The following WWOX variants were observed in gnomAD, a reference collection of about 807,000 sequenced individuals.
WWOX encodes the protein WW domain containing oxidoreductase.
A neutral mutation model predicts 46.2 loss-of-function variants in WWOX; 69 were observed. The ratio of observed to expected loss-of-function variants is 1.49; its 90% CI spans 1.23 to 1.82. The LOEUF (loss-of-function observed/expected upper bound fraction) is 1.82. Among genes scored for constraint, WWOX ranks in the 40% most tolerant of loss-of-function variants. The pLI is 0.00. For synonymous variants in WWOX, 359 were observed against 202.6 expected (o/e 1.77, Z -6.56); for missense variants, 919 against 542.6 (o/e 1.69, Z -6.89).
chr16:78,143,904 T>C (rs927069428), intron 4 of WWOX, among the ~76,000 whole-genome samples: 1 of 152,136 alleles, frequency 6.6e-6, no homozygotes. Context: ...TCGGATCAGC[T>C]TTCTTTTTCT....
At chr16:78,967,436 A>G (rs1258921896) in intron 8 of WWOX, among the ~76,000 whole-genome samples, 1 of 147,184 alleles carries the variant, frequency 6.8e-6, no homozygotes, top group Non-Finnish European at 1.5e-5. Context: ...AGTATGCACC[A>G]ACATGCCTGG....
chr16:78,723,109 TGAG>T (rs1262776855), intron 8 of WWOX, among the ~76,000 whole-genome samples: 1 of 152,160 alleles, frequency 6.6e-6, no homozygotes, highest in Non-Finnish European at 1.5e-5. Context: ...TAAGGCTGAT[TGAG>T]TAAAAGTGAA....
intron 8 of WWOX, among the ~76,000 whole-genome samples, chr16:78,585,190 C>T (rs1278916179): frequency 6.6e-6 from 1 of 152,146 alleles, no homozygotes; most frequent in African/African-American, 2.4e-5. Context: ...TATTTCTGAC[C>T]ACAGGACAGC....
rs150945072 is a variant in WWOX at position 79,029,445 on chromosome 16, G to A, written c.1057-182163G>A. 3.7e-3 allele frequency among the ~76,000 whole-genome samples: 569 copies of A among 152,334 alleles called. 4 individuals carry two copies. The highest frequency in any genetic ancestry group is 0.013 in the African/African-American group (540 of 41,572). On this transcript the variant is annotated intron_variant, in intron 8 of 8. Coordinates refer to ENST00000566780, the MANE Select transcript of WWOX (RefSeq NM_016373.4). ...GTGTGCACCAGTAAAGGGTTCTGAT[G>A]TGTGATAAATTTATTTAGCTATTAC... is the stretch of plus-strand genomic sequence containing the variant.
At chr16:78,730,339 C>T (rs1448828447) in intron 8 of WWOX, among the ~76,000 whole-genome samples, 3 of 152,060 alleles carry the variant, frequency 2.0e-5, no homozygotes, top group African/African-American at 4.8e-5. Context: ...CTTCCCATTT[C>T]CTTCCTTCCA....
At chr16:78,621,590 A>ATTTTTTT (rs1567442936) in intron 8 of WWOX, among the ~76,000 whole-genome samples, 1 of 43,000 alleles carries the variant, frequency 2.3e-5, no homozygotes, top group Non-Finnish European at 5.1e-5. Flanking sequence ...TGTTGTTCTA[A>ATTTTTTT]TCTTTTTTTT....
chr16:78,954,706 G>A (rs528490969), intron 8 of WWOX, among the ~76,000 whole-genome samples: 1 of 152,292 alleles, frequency 6.6e-6, no homozygotes, highest in South Asian at 2.1e-4. Flanking sequence ...CTAGGGTGAG[G>A]GGTGGTGGGT....
At chr16:78,804,104 G>A (rs531631894) in intron 8 of WWOX, among the ~76,000 whole-genome samples, 2 of 152,140 alleles carry the variant, frequency 1.3e-5, no homozygotes, top group South Asian at 4.2e-4. Flanking sequence ...CCGCCGCAGT[G>A]GAGATTGTGG....
intron 8 of WWOX, among the ~76,000 whole-genome samples, chr16:78,722,909 G>T (rs190844585): frequency 1.3e-5 from 2 of 152,172 alleles, no homozygotes; most frequent in African/African-American, 4.8e-5. Context: ...AGGCGCAGTG[G>T]CTCACGCCTG....
intron 8 of WWOX, among the ~76,000 whole-genome samples, chr16:78,856,446 C>T (rs58145564): frequency 0.023 from 3,507 of 152,234 alleles, 111 homozygotes; most frequent in African/African-American, 0.077. Flanking sequence ...AGTTCGAGAC[C>T]AGCCTGGCCA....
chr16:78,755,918 T>C (rs1233869014), intron 8 of WWOX, among the ~76,000 whole-genome samples: 1 of 152,134 alleles, frequency 6.6e-6, no homozygotes, highest in Non-Finnish European at 1.5e-5. Context: ...GTCAGGACGC[T>C]ATGATGAGAA....
chr16:78,139,699 T>G (rs1259956499), intron 4 of WWOX, among the ~76,000 whole-genome samples: 1 of 152,168 alleles, frequency 6.6e-6, no homozygotes, highest in African/African-American at 2.4e-5. Flanking sequence ...GAAAATGTTT[T>G]AAGAGTTCTT....
chr16:79,096,524 C>G (rs1245433937), intron 8 of WWOX, among the ~76,000 whole-genome samples: 4 of 152,166 alleles, frequency 2.6e-5, no homozygotes, highest in African/African-American at 4.8e-5. Context: ...GCTGGCCCAT[C>G]CTTTCTCTGT....
intron 5 of WWOX, among the ~76,000 whole-genome samples, chr16:78,275,163 T>C (rs2079553338): frequency 1.3e-5 from 2 of 152,210 alleles, no homozygotes; most frequent in African/African-American, 2.4e-5. Flanking sequence ...ATCTAAAACG[T>C]GGAGGGGGGT....
At chr16:78,275,731 A>T (rs1308203981) in intron 5 of WWOX, among the ~76,000 whole-genome samples, 1 of 152,210 alleles carries the variant, frequency 6.6e-6, no homozygotes, top group Non-Finnish European at 1.5e-5. Flanking sequence ...CCATTGGTCC[A>T]TTTTTAAATC....
At chr16:79,190,624 A>G (rs928326385) in intron 8 of WWOX, among the ~76,000 whole-genome samples, 4 of 152,200 alleles carry the variant, frequency 2.6e-5, no homozygotes, top group African/African-American at 9.6e-5. Context: ...CATTCAGAAG[A>G]TGAACTAGTT....
At chr16:78,924,580 A>G (rs1510218) in intron 8 of WWOX, among the ~76,000 whole-genome samples, 22,389 of 152,172 alleles carry the variant, frequency 0.15, 1,921 homozygotes, top group African/African-American at 0.24. Context: ...TAGGAGGATA[A>G]GAAAGCCAGT....
At chr16:79,019,527 T>A (rs2047489141) in intron 8 of WWOX, among the ~76,000 whole-genome samples, 1 of 152,164 alleles carries the variant, frequency 6.6e-6, no homozygotes, top group African/African-American at 2.4e-5. Context: ...CAGTCTGTCA[T>A]TGACTGAAAG....
intron 8 of WWOX, among the ~76,000 whole-genome samples, chr16:78,929,979 G>T (rs1045414687): frequency 1.3e-5 from 2 of 152,126 alleles, no homozygotes; most frequent in African/African-American, 4.8e-5. Context: ...AGCTCTCTGT[G>T]ACCGTGTGAC....
Sources: gnomAD v4.1 joint callset for allele counts (sites outside exome capture counted in the v4.1 genomes callset) on GRCh38, gnomAD v4.1.1 for gene constraint, MANE v1.5 for transcripts, NCBI Gene and HGNC (gene_info 2026-07-23, HGNC 2026-07-21) for gene names.